The following PLCB1 variants were observed in gnomAD, a reference collection of about 807,000 sequenced individuals.
PLCB1 encodes 1-phosphatidylinositol 4,5-bisphosphate phosphodiesterase beta-1.
A neutral mutation model predicts 161.8 loss-of-function variants in PLCB1; 46 were observed. The observed-to-expected ratio is 0.28, with a 90% CI of 0.22 to 0.36. The LOEUF (loss-of-function observed/expected upper bound fraction) is 0.36, where lower values mean the gene tolerates loss of function less well. PLCB1 is among the 10% of genes least tolerant of loss of function. The pLI, the probability that PLCB1 is intolerant of heterozygous loss-of-function variation, is 1.00. For missense variants in PLCB1, 1,016 were observed against 1,472.5 expected, an observed-to-expected ratio of 0.69 and a Z score of 5.07; for synonymous variants, 517 against 503.7, an observed-to-expected ratio of 1.03 and a Z score of -0.35.
chr20:8,389,905 C>A (rs993070585), intron 3 of PLCB1, among the ~76,000 whole-genome samples: 2 of 152,082 alleles, frequency 1.3e-5, no homozygotes, highest in African/African-American at 2.4e-5. Flanking sequence ...CAGTGTTCAA[C>A]CAAGTTTCAA....
rs372286544 is a variant in PLCB1, at chr20:8,472,653, G to C, written c.246+101203G>C. On this transcript the variant is annotated intron_variant, in intron 3 of 31. Transcript: ENST00000338037. ...GAGCCTAGGAGTTCAAGGCCAACCT[G>C]GGCAACACTGCAAAACTTTGTCTCA... Among the ~76,000 whole-genome samples, 5 of 151,750 alleles carry C rather than the reference G, an allele frequency of 3.3e-5. No individual in the cohort carries two copies. The East Asian group carries it at 9.7e-4, about 30-fold the overall frequency.
At chr20:8,659,762 C>T (rs1420298075) in intron 9 of PLCB1, among the ~76,000 whole-genome samples, 1 of 151,980 alleles carries the variant, frequency 6.6e-6, no homozygotes, top group African/African-American at 2.4e-5. Context: ...GAGGCCAAGG[C>T]GGGTGGATCA....
chr20:8,559,132 C>A (rs950081895), intron 3 of PLCB1, among the ~76,000 whole-genome samples: 5 of 151,726 alleles, frequency 3.3e-5, no homozygotes, highest in Non-Finnish European at 7.4e-5. Context: ...GAATAAAAAT[C>A]TATGTTAGTT....
chr20:8,362,924 T>G (rs138095113), intron 2 of PLCB1, among the ~76,000 whole-genome samples: 84 of 152,244 alleles, frequency 5.5e-4, no homozygotes, highest in African/African-American at 1.9e-3. Flanking sequence ...ATTATGTACA[T>G]AGGGTCAATG....
rs116144407 is a variant in PLCB1 at position 8,262,202 on chromosome 20, C to A, written c.178-109180C>A. On this transcript the variant is annotated intron_variant, in intron 2 of 31. Transcript: ENST00000338037. ...ATTTGCCTGTTTCTCCTGCCTCAGACTCACAAATATCTGGGACAACAGGCA... is the reference window on the plus strand; with the variant it reads ...ATTTGCCTGTTTCTCCTGCCTCAGAATCACAAATATCTGGGACAACAGGCA... Among the ~76,000 whole-genome samples, 272 of 151,924 alleles carry A rather than the reference C, an allele frequency of 1.8e-3. 2 individuals carry two copies. Among genetic ancestry groups the A allele is most frequent in the African/African-American group, 6.1e-3 (252 of 41,420 alleles).
At chr20:8,508,400 C>T (rs1481285515) in intron 3 of PLCB1, among the ~76,000 whole-genome samples, 3 of 152,110 alleles carry the variant, frequency 2.0e-5, no homozygotes, top group Non-Finnish European at 4.4e-5. Context: ...CAAGTGGGCC[C>T]TTTTTCACAG....
rs737532 is a variant in PLCB1, at chr20:8,765,478, G to A, written c.2930+120G>A. 0.34 allele frequency: 236,384 copies of A among 692,760 alleles called. 42,022 individuals carry two copies. The highest frequency in any genetic ancestry group is 0.49 in the African/African-American group (26,807 of 55,212). The allele number at this position is 692,760 out of a possible 1,614,324, so 42.9% of individuals were successfully genotyped here. On this transcript the variant is annotated intron_variant, in intron 26 of 31. Coordinates refer to ENST00000338037, the MANE Select transcript of PLCB1 (RefSeq NM_015192.4). Reference sequence around the variant, plus strand: ...ATGGCAAGAAAACCACCTAACCTCCGTTCTCCATAGCTTTTGTGGCACCTT... The same window carrying A: ...ATGGCAAGAAAACCACCTAACCTCCATTCTCCATAGCTTTTGTGGCACCTT...
intron 2 of PLCB1, among the ~76,000 whole-genome samples, chr20:8,202,812 G>A (rs1310360549): frequency 2.0e-5 from 3 of 152,160 alleles, no homozygotes; most frequent in Non-Finnish European, 4.4e-5. Flanking sequence ...TGTGTCGAGG[G>A]AGCACAGGGA....
chr20:8,235,611 G>A (rs186508816), intron 2 of PLCB1, among the ~76,000 whole-genome samples: 5 of 152,078 alleles, frequency 3.3e-5, no homozygotes, highest in South Asian at 2.1e-4. Context: ...AAAGTTATTC[G>A]TGCACGTCCC....
chr20:8,564,082 C>G (rs1183945209), intron 3 of PLCB1, among the ~76,000 whole-genome samples: 1 of 152,172 alleles, frequency 6.6e-6, no homozygotes, highest in African/African-American at 2.4e-5. Flanking sequence ...ATCACACTAC[C>G]TGACTTCAAA....
intron 3 of PLCB1, among the ~76,000 whole-genome samples, chr20:8,573,102 G>A (rs1986571575): frequency 6.6e-6 from 1 of 152,054 alleles, no homozygotes; most frequent in South Asian, 2.1e-4. Context: ...AGGATAGCAG[G>A]AAAGTCCAAA....
chr20:8,788,914 T>C (rs977813666), intron 29 of PLCB1, among the ~76,000 whole-genome samples, 192 bp downstream of exon 29: 1 of 151,954 alleles, frequency 6.6e-6, no homozygotes, highest in East Asian at 1.9e-4. Flanking sequence ...AATAAAGGAG[T>C]GAGGCACACC....
intron 31 of PLCB1, among the ~76,000 whole-genome samples, chr20:8,849,841 C>T (rs145887221): frequency 0.014 from 2,071 of 152,020 alleles, 47 homozygotes; most frequent in African/African-American, 0.047. Flanking sequence ...GGTGAAACCT[C>T]ATATCTACTA....
chr20:8,538,042 A>G (rs567880820), intron 3 of PLCB1, among the ~76,000 whole-genome samples: 21 of 152,304 alleles, frequency 1.4e-4, no homozygotes, highest in African/African-American at 5.0e-4. Flanking sequence ...AATGTTGACT[A>G]GAGTCCCTCT....
At chr20:8,308,441 A>G (rs1984234474) in intron 2 of PLCB1, among the ~76,000 whole-genome samples, 1 of 151,674 alleles carries the variant, frequency 6.6e-6, no homozygotes, top group Non-Finnish European at 1.5e-5. Context: ...ACATGGTGAA[A>G]CCCTCTCTCT....
intron 3 of PLCB1, among the ~76,000 whole-genome samples, chr20:8,602,363 C>T (rs1256093729): frequency 6.6e-6 from 1 of 152,082 alleles, no homozygotes; most frequent in African/African-American, 2.4e-5. Context: ...TTAAAATAGG[C>T]TTGCTGAAAT....
At chr20:8,201,451 T>C (rs1393380031) in intron 2 of PLCB1, among the ~76,000 whole-genome samples, 1 of 152,070 alleles carries the variant, frequency 6.6e-6, no homozygotes, top group Non-Finnish European at 1.5e-5. Context: ...TAGCAAAAAC[T>C]TCAAATGGAT....
chr20:8,781,296 C>T (rs1275262255), intron 27 of PLCB1, among the ~76,000 whole-genome samples: 1 of 151,588 alleles, frequency 6.6e-6, no homozygotes, highest in Non-Finnish European at 1.5e-5. Flanking sequence ...CAAGAAATGA[C>T]AAATAAGCAA....
At chr20:8,382,205 A>C (rs558289598) in intron 3 of PLCB1, among the ~76,000 whole-genome samples, 36 of 150,000 alleles carry the variant, frequency 2.4e-4, no homozygotes, top group African/African-American at 8.8e-4. Flanking sequence ...CCTTAATTTC[A>C]TTATTTACCC....
Sources: gnomAD v4.1 joint callset for allele counts (sites outside exome capture counted in the v4.1 genomes callset) on GRCh38, gnomAD v4.1.1 for gene constraint, MANE v1.5 for transcripts, NCBI Gene and HGNC (gene_info 2026-07-23, HGNC 2026-07-21) for gene names.